Variants in ZNF678 observed in about 807,000 individuals in gnomAD.
ZNF678 encodes zinc finger protein 678.
In ZNF678, 5 loss-of-function variants were observed where a neutral mutation model predicts 3.0. The ratio of observed to expected loss-of-function variants is 1.69; its 90% CI spans 0.88 to 3.56. ZNF678 has a LOEUF of 3.56. Among genes scored for constraint, ZNF678 ranks in the 30% most tolerant of loss-of-function variants. The probability of loss-of-function intolerance (pLI) is 0.00; values close to 1 mark genes in which losing one functional copy is unlikely to be tolerated. For synonymous variants in ZNF678, 218 were observed against 199.6 expected, an observed-to-expected ratio of 1.09 and a Z score of -0.78; for missense variants, 593 against 605.0, an observed-to-expected ratio of 0.98 and a Z score of 0.21.
chr1:227,626,517 T>C (rs1172926634), intron 1 of ZNF678, among the ~76,000 whole-genome samples: 1 of 152,168 alleles, frequency 6.6e-6, no homozygotes, highest in Non-Finnish European at 1.5e-5. Flanking sequence ...TAAGAACTTG[T>C]TGATATTTGG....
At chr1:227,564,109 A>G (rs1449438031) in intron 1 of ZNF678, among the ~76,000 whole-genome samples, 1 of 152,230 alleles carries the variant, frequency 6.6e-6, no homozygotes, top group East Asian at 1.9e-4. Context: ...GTTTGAGGAA[A>G]GGGAGTTTCA....
At chr1:227,588,184 A>C (rs1657312601) in intron 1 of ZNF678, among the ~76,000 whole-genome samples, 2 of 152,184 alleles carry the variant, frequency 1.3e-5, no homozygotes, top group African/African-American at 4.8e-5. Context: ...ATGGCTGCAT[A>C]GTATTCCATG....
intron 1 of ZNF678, among the ~76,000 whole-genome samples, chr1:227,624,796 T>C (rs565304661): frequency 2.0e-5 from 3 of 152,256 alleles, no homozygotes; most frequent in South Asian, 2.1e-4. Context: ...GGAGCGGCAG[T>C]GGGCACCTCG....
At chr1:227,587,428 G>A (rs571230553) in intron 1 of ZNF678, among the ~76,000 whole-genome samples, 2 of 152,222 alleles carry the variant, frequency 1.3e-5, no homozygotes, top group East Asian at 3.9e-4. Context: ...CTTCTTTTCT[G>A]TACTTTCAGA....
intron 1 of ZNF678, among the ~76,000 whole-genome samples, chr1:227,622,021 CAT>C (rs1297429774): frequency 6.6e-6 from 1 of 152,184 alleles, no homozygotes; most frequent in Non-Finnish European, 1.5e-5. Flanking sequence ...TTTTGTTGTA[CAT>C]ATTTTTAAAT....
intron 1 of ZNF678, among the ~76,000 whole-genome samples, chr1:227,577,528 A>C (rs987676819): frequency 6.6e-6 from 1 of 152,066 alleles, no homozygotes; most frequent in African/African-American, 2.4e-5. Context: ...TTGGTTTAAA[A>C]TCTGTTTTGT....
rs111255164 is a variant in ZNF678 at position 227,654,191 on chromosome 1, A to G, written c.86-145A>G. 2,869 of 692,882 alleles carry G rather than the reference A, an allele frequency of 4.1e-3. 69 individuals carry two copies. The African/African-American group carries it at 0.048, about 12-fold the overall frequency. The allele number at this position is 692,882 out of a possible 1,614,324, so 42.9% of individuals were successfully genotyped here. On this transcript the variant is annotated intron_variant, in intron 3 of 3. Coordinates refer to ENST00000343776, the MANE Select transcript of ZNF678 (RefSeq NM_001367909.1). ...TGGTCAGTATATTTTTGTTAAGTTT[A>G]TATGTTCAAAAAGGAATCATGGCAT...
chr1:227,593,929 T>C (rs1346451949), intron 1 of ZNF678, among the ~76,000 whole-genome samples: 3 of 146,654 alleles, frequency 2.0e-5, no homozygotes, highest in Non-Finnish European at 4.5e-5. Context: ...GGTAGGGTAC[T>C]TCCAGGCTGG....
intron 1 of ZNF678, among the ~76,000 whole-genome samples, chr1:227,608,720 G>C (rs1657941084): frequency 6.6e-6 from 1 of 152,122 alleles, no homozygotes; most frequent in African/African-American, 2.4e-5. Context: ...AACCGAAAAT[G>C]CTCAGGATGT....
At position 227,655,320 on chromosome 1, in the gene ZNF678, C is replaced by T; in HGVS notation, c.1070C>T (p.Thr357Ile). ...TACAAATGTGAAGAATGTGGCAGAA[C>T]CTTTACTCAATTCTCAAACCTCACT... ...KPYKCEECGR[T>I]FTQFSNLTQH... The change falls in exon 4 of 4, where the codon ACC becomes ATC. Residue 357 changes from threonine (T) to isoleucine (I), a missense_variant. Physicochemically the swap from Thr to Ile is moderately conservative, Grantham distance 89. Transcript: ENST00000343776. 5 of 1,610,696 alleles carry T rather than the reference C, an allele frequency of 3.1e-6. No homozygotes were observed. Among genetic ancestry groups the T allele is most frequent in the Non-Finnish European group, 4.2e-6 (5 of 1,178,088 alleles).
intron 5 of ZNF678, among the ~76,000 whole-genome samples, chr1:227,672,696 G>A (rs950594027): frequency 3.3e-5 from 5 of 150,522 alleles, no homozygotes; most frequent in Non-Finnish European, 7.4e-5. Flanking sequence ...GCTGTGGGTC[G>A]GTCGGTCTAG....
chr1:227,588,450 A>G (rs950806015), intron 1 of ZNF678, among the ~76,000 whole-genome samples: 2 of 151,582 alleles, frequency 1.3e-5, no homozygotes, highest in Non-Finnish European at 2.9e-5. Context: ...TCCCACCAAC[A>G]GTGTAAAAGT....
Position 227,638,957 on chromosome 1 carries a change from G to A in ZNF678, c.-163-7587G>A, listed in dbSNP as rs186377074. Reference sequence around the variant, plus strand: ...ATACTGGCCTACTTGCCACCATCAGGGTTACCACTTGGCTCGGATGAAGCG... The same window carrying A: ...ATACTGGCCTACTTGCCACCATCAGAGTTACCACTTGGCTCGGATGAAGCG... On this transcript the variant is annotated intron_variant, in intron 1 of 3. Transcript: ENST00000343776. This position sits in a 1 kb window ranked among gnomAD's most constrained non-coding sequence, Gnocchi z 4.2. Among the ~76,000 whole-genome samples the A allele has an allele frequency of 3.9e-5, 6 of 152,274 alleles. No individual in the cohort carries two copies. Among genetic ancestry groups the A allele is most frequent in the Admixed American group, 3.9e-4 (6 of 15,296 alleles).
At chr1:227,593,178 T>G (rs2999738) in intron 1 of ZNF678, among the ~76,000 whole-genome samples, 2,834 of 152,350 alleles carry the variant, frequency 0.019, 87 homozygotes, top group African/African-American at 0.065. Flanking sequence ...ACGCCTGGTC[T>G]ACTGGAGGAC....
At chr1:227,666,741 C>CTTTTTTTT (rs1182440018), downstream of ZNF678, among the ~76,000 whole-genome samples, 2 of 115,170 alleles carry the variant, frequency 1.7e-5, no homozygotes, top group Non-Finnish European at 3.6e-5. Context: ...TTCTTTCTTG[C>CTTTTTTTT]TTTTTTTTTT....
At chr1:227,629,555 A>G (rs1386630604) in intron 1 of ZNF678, among the ~76,000 whole-genome samples, 19 of 152,210 alleles carry the variant, frequency 1.2e-4, no homozygotes, top group Non-Finnish European at 2.6e-4. Flanking sequence ...CTGGGACAGG[A>G]GAGTAAGACT....
chr1:227,584,671 C>G (rs1340401467), intron 1 of ZNF678, among the ~76,000 whole-genome samples: 1 of 152,182 alleles, frequency 6.6e-6, no homozygotes, highest in Non-Finnish European at 1.5e-5. Flanking sequence ...AGATTGTGCT[C>G]AACTCTAAAT....
intron 1 of ZNF678, among the ~76,000 whole-genome samples, chr1:227,642,433 G>A (rs1658843742): frequency 6.6e-6 from 1 of 152,154 alleles, no homozygotes; most frequent in African/African-American, 2.4e-5. Context: ...TGAGAGGTCA[G>A]CACCACAAAA....
intron 1 of ZNF678, among the ~76,000 whole-genome samples, chr1:227,568,482 A>G (rs1251862154): frequency 1.3e-5 from 2 of 152,174 alleles, no homozygotes; most frequent in Admixed American, 6.5e-5. Flanking sequence ...TGAGAACATA[A>G]AGGATGGGGA....
Sources: gnomAD v4.1 joint callset for allele counts (sites outside exome capture counted in the v4.1 genomes callset) on GRCh38, gnomAD v4.1.1 for gene constraint, Gnocchi (gnomAD v3.1) non-coding constraint, MANE v1.5 for transcripts, NCBI Gene and HGNC (gene_info 2026-07-23, HGNC 2026-07-21) for gene names.